Variants in CCDC85A observed in about 807,000 individuals in gnomAD.
The protein encoded by CCDC85A is coiled-coil domain containing 85A.
Under a neutral mutation model 50.2 loss-of-function variants are expected in CCDC85A, and 38 were observed. The observed-to-expected ratio is 0.76, with a 90% CI of 0.58 to 0.99. The LOEUF (loss-of-function observed/expected upper bound fraction) is 0.99, where lower values mean the gene tolerates loss of function less well. CCDC85A is among the 50% of genes least tolerant of loss of function. The pLI, the probability that CCDC85A is intolerant of heterozygous loss-of-function variation, is 0.00. For synonymous variants in CCDC85A, 366 were observed against 301.4 expected, an observed-to-expected ratio of 1.21 and a Z score of -2.22; for missense variants, 820 against 742.0, an observed-to-expected ratio of 1.11 and a Z score of -1.22.
intron 2 of CCDC85A, among the ~76,000 whole-genome samples, chr2:56,260,049 G>A (rs771198617): frequency 6.6e-6 from 1 of 152,164 alleles, no homozygotes; most frequent in Non-Finnish European, 1.5e-5. Context: ...AGTGAGTTTA[G>A]CACCCAAACT....
At chr2:56,320,715 G>A (rs559141190) in intron 2 of CCDC85A, among the ~76,000 whole-genome samples, 2 of 152,134 alleles carry the variant, frequency 1.3e-5, no homozygotes, top group East Asian at 3.9e-4. Flanking sequence ...AGAGGTACGA[G>A]GAGGAGCTGG....
intron 3 of CCDC85A, among the ~76,000 whole-genome samples, chr2:56,355,058 A>G (rs1032919113): frequency 7.2e-5 from 11 of 152,264 alleles, no homozygotes; most frequent in Non-Finnish European, 1.3e-4. Context: ...GCCTTCACCT[A>G]CTGTCTTAAG....
At chr2:56,334,420 A>G (rs1673974567) in intron 2 of CCDC85A, among the ~76,000 whole-genome samples, 1 of 152,264 alleles carries the variant, frequency 6.6e-6, no homozygotes, top group Admixed American at 6.5e-5. Flanking sequence ...ATTTTCATAT[A>G]GCATTTTTGG....
At chr2:56,220,856 A>G in intron 2 of CCDC85A, among the ~76,000 whole-genome samples, 1 of 151,988 alleles carries the variant, frequency 6.6e-6, no homozygotes, top group East Asian at 1.9e-4. Flanking sequence ...ACGCAATAAA[A>G]TGTTCCATAA....
In CCDC85A at chr2:56,193,238, G is replaced by C. The variant is rs529581786; in HGVS notation, c.1038G>C (p.Gly346=). ...PEHLQKHALG[G]SLEHLPRARG... is the part of the protein sequence containing the mutation. ...ATCTTCAGAAACACGCTCTTGGGGG[G>C]AGCCTAGAGCATCTCCCCAGAGCCA... The change falls in exon 2 of 6, where the codon GGG becomes GGC. Residue 346 remains glycine, a synonymous_variant. Transcript: ENST00000407595. 111 of 1,612,250 alleles carry C rather than the reference G, an allele frequency of 6.9e-5. 2 individuals carry two copies. The South Asian group carries it at 1.1e-3, about 16-fold the overall frequency.
chr2:56,281,432 G>A (rs1470375249), intron 2 of CCDC85A, among the ~76,000 whole-genome samples: 1 of 152,104 alleles, frequency 6.6e-6, no homozygotes, highest in Non-Finnish European at 1.5e-5. Context: ...TCTTCTGGAT[G>A]AGTACCTAGG....
At chr2:56,224,370 A>G (rs1668456194) in intron 2 of CCDC85A, among the ~76,000 whole-genome samples, 1 of 152,210 alleles carries the variant, frequency 6.6e-6, no homozygotes, top group Non-Finnish European at 1.5e-5. Context: ...ATTGATGATG[A>G]ACATTCAGGT....
intron 2 of CCDC85A, among the ~76,000 whole-genome samples, chr2:56,296,769 G>T (rs1044052416): frequency 1.3e-5 from 2 of 152,114 alleles, no homozygotes; most frequent in African/African-American, 4.8e-5. Flanking sequence ...ATGGAAAGAA[G>T]AAAGAGTTAG....
chr2:56,286,255 A>G (rs1421202563), intron 2 of CCDC85A, among the ~76,000 whole-genome samples: 1 of 152,078 alleles, frequency 6.6e-6, no homozygotes, highest in Non-Finnish European at 1.5e-5. Flanking sequence ...CTATAGGTAG[A>G]TGTTTTTCAT....
chr2:56,196,573 T>A (rs1676528095), intron 2 of CCDC85A, among the ~76,000 whole-genome samples: 1 of 152,204 alleles, frequency 6.6e-6, no homozygotes, highest in South Asian at 2.1e-4. Context: ...GAGTTGTGCT[T>A]CCAGATACTA....
intron 2 of CCDC85A, among the ~76,000 whole-genome samples, chr2:56,220,664 A>T (rs1291694801): frequency 6.6e-6 from 1 of 152,034 alleles, no homozygotes; most frequent in Non-Finnish European, 1.5e-5. Context: ...CAGTAGTGAA[A>T]TGACGTTCCG....
chr2:56,288,147 G>T (rs888707431), intron 2 of CCDC85A, among the ~76,000 whole-genome samples: 6 of 152,106 alleles, frequency 3.9e-5, no homozygotes, highest in African/African-American at 1.4e-4. Context: ...CATTACAGAG[G>T]GATGGAGTAG....
intron 1 of CCDC85A, among the ~76,000 whole-genome samples, chr2:56,191,366 C>G (rs1676288596): frequency 6.6e-6 from 1 of 152,100 alleles, no homozygotes; most frequent in Admixed American, 6.5e-5. Context: ...TGGACTGGTA[C>G]CTGGTACAGT....
At chr2:56,376,034 T>C (rs904812067) in intron 5 of CCDC85A, 99 bp downstream of exon 5, 10 of 1,306,776 alleles carry the variant, frequency 7.7e-6, no homozygotes, top group Non-Finnish European at 1.0e-5. Context: ...GAACCATAGA[T>C]ATTTTATTTT....
At chr2:56,215,425 G>T (rs1677349013) in intron 2 of CCDC85A, among the ~76,000 whole-genome samples, 1 of 151,824 alleles carries the variant, frequency 6.6e-6, no homozygotes, top group South Asian at 2.1e-4. Flanking sequence ...TTAAATACGG[G>T]ATTGAAAAGG....
intron 2 of CCDC85A, among the ~76,000 whole-genome samples, chr2:56,324,837 T>C (rs1673386640): frequency 6.6e-6 from 1 of 152,116 alleles, no homozygotes; most frequent in South Asian, 2.1e-4. Flanking sequence ...GGTTAAAATA[T>C]TGGTGTCAGA....
At chr2:56,342,790 T>C (rs1674439983) in intron 2 of CCDC85A, 89 bp from the exon 3 acceptor site, 4 of 765,300 alleles carry the variant, frequency 5.2e-6, no homozygotes, top group South Asian at 1.9e-5. Flanking sequence ...AGTCACTGTC[T>C]GATTTGAATA....
chr2:56,215,352 T>G (rs1677346888), intron 2 of CCDC85A, among the ~76,000 whole-genome samples: 1 of 151,910 alleles, frequency 6.6e-6, no homozygotes, highest in African/African-American at 2.4e-5. Context: ...GATAGTGTTA[T>G]TTCTTGCTTT....
intron 2 of CCDC85A, among the ~76,000 whole-genome samples, chr2:56,221,444 CT>C (rs1668324691): frequency 6.6e-6 from 1 of 151,886 alleles, no homozygotes; most frequent in South Asian, 2.1e-4. Flanking sequence ...GAGATACTCT[CT>C]GTTATGTTTG....
Sources: gnomAD v4.1 joint callset for allele counts (sites outside exome capture counted in the v4.1 genomes callset) on GRCh38, gnomAD v4.1.1 for gene constraint, MANE v1.5 for transcripts, NCBI Gene and HGNC (gene_info 2026-07-23, HGNC 2026-07-21) for gene names.